Variants in IL1RAPL1 observed in about 807,000 individuals in gnomAD.
The protein encoded by IL1RAPL1 is interleukin-1 receptor accessory protein-like 1.
IL1RAPL1 carries 3 observed loss-of-function variants against 48.4 expected under a neutral mutation model. The ratio of observed to expected loss-of-function variants is 0.06; its 90% confidence interval spans 0.03 to 0.16. The LOEUF is 0.16. IL1RAPL1 is among the 10% of genes least tolerant of loss of function. The probability of loss-of-function intolerance (pLI) is 1.00; values close to 1 mark genes in which losing one functional copy is unlikely to be tolerated. For synonymous variants in IL1RAPL1, 185 were observed against 187.7 expected, an observed-to-expected ratio of 0.99 and a Z score of 0.12; for missense variants, 349 against 530.6, an observed-to-expected ratio of 0.66 and a Z score of 3.36.
At chrX:29,353,831 GT>G (rs199572427) in intron 3 of IL1RAPL1, among the ~76,000 whole-genome samples, 39,408 of 92,168 alleles carry the variant, frequency 0.43, 6,812 homozygotes, top group Middle Eastern at 0.59. Flanking sequence ...TTTTTCCAGT[GT>G]TTTTTTTTTT....
At chrX:29,509,563 AAACCCAG>A (rs1198924488) in intron 5 of IL1RAPL1, among the ~76,000 whole-genome samples, 3 of 112,372 alleles carry the variant, frequency 2.7e-5, no homozygotes, top group Admixed American at 9.4e-5. Context: ...AAGTTTGTCC[AAACCCAG>A]AACCCATATT....
chrX:29,388,770 T>C (rs1331463379), intron 3 of IL1RAPL1, among the ~76,000 whole-genome samples: 1 of 112,196 alleles, frequency 8.9e-6, no homozygotes, highest in Non-Finnish European at 1.9e-5. Context: ...TTTCCAGTTA[T>C]TGTAGGGAGA....
intron 5 of IL1RAPL1, among the ~76,000 whole-genome samples, chrX:29,657,841 T>C (rs1306025166): frequency 1.8e-5 from 2 of 108,447 alleles, no homozygotes; most frequent in Non-Finnish European, 3.8e-5. Context: ...TTTTTTTTTT[T>C]TGGTTTTTTG....
intron 5 of IL1RAPL1, among the ~76,000 whole-genome samples, chrX:29,603,986 A>G (rs1251463857): frequency 1.8e-5 from 2 of 112,369 alleles, no homozygotes; most frequent in Non-Finnish European, 3.8e-5. Flanking sequence ...AACTCTTTGA[A>G]GTACTCTACA....
intron 2 of IL1RAPL1, among the ~76,000 whole-genome samples, chrX:28,985,657 ATT>A (rs377736234): frequency 3.2e-4 from 30 of 92,655 alleles, no homozygotes; most frequent in South Asian, 2.7e-3. Flanking sequence ...TAACGAGCAC[ATT>A]TTTTTTTTTT....
chrX:28,916,040 A>G (rs1923483196), intron 2 of IL1RAPL1, among the ~76,000 whole-genome samples: 1 of 111,123 alleles, frequency 9.0e-6, no homozygotes, highest in South Asian at 3.8e-4. Context: ...ATTAAAACTA[A>G]GTACAATTTA....
chrX:29,597,547 T>C (rs1464357618), intron 5 of IL1RAPL1, among the ~76,000 whole-genome samples: 2 of 112,147 alleles, frequency 1.8e-5, no homozygotes, highest in African/African-American at 3.2e-5. Context: ...ATTAGGGTGA[T>C]ACTGACTTCA....
chrX:28,720,767 C>T (rs1935564646), intron 1 of IL1RAPL1, among the ~76,000 whole-genome samples: 1 of 111,253 alleles, frequency 9.0e-6, no homozygotes, highest in Non-Finnish European at 1.9e-5. Context: ...CACCCCACCA[C>T]AGGCCCTGGT....
intron 3 of IL1RAPL1, among the ~76,000 whole-genome samples, chrX:29,351,917 T>A (rs1329286000): frequency 8.9e-6 from 1 of 111,752 alleles, no homozygotes; most frequent in African/African-American, 3.2e-5. Context: ...GGGAAGATAG[T>A]GGGCACTCTT....
chrX:29,350,995 C>A (rs775064064), intron 3 of IL1RAPL1, among the ~76,000 whole-genome samples: 2 of 111,443 alleles, frequency 1.8e-5, no homozygotes, highest in South Asian at 7.6e-4. Context: ...TGTAGTTGAA[C>A]CTTACTCTAA....
intron 2 of IL1RAPL1, among the ~76,000 whole-genome samples, chrX:28,813,521 A>G (rs1191266653): frequency 9.0e-6 from 1 of 111,186 alleles, no homozygotes; most frequent in East Asian, 2.8e-4. Context: ...TGTTAGATGG[A>G]GTATTCTATA....
chrX:29,336,331 G>T (rs1368304376), intron 3 of IL1RAPL1, among the ~76,000 whole-genome samples: 1 of 33,820 alleles, frequency 3.0e-5, no homozygotes, highest in African/African-American at 6.9e-5. Flanking sequence ...GTGTGTGTGT[G>T]TGTGTGTGTG....
rs151128801 is a variant in IL1RAPL1, at chrX:29,078,607, G to A, written c.83-204331G>A. Among the ~76,000 whole-genome samples the A allele has an allele frequency of 8.4e-4, 94 of 112,098 alleles. 2 individuals are homozygous for A. In the East Asian group the frequency reaches 0.025, roughly 30 times the overall value. On this transcript the variant is annotated intron_variant, in intron 2 of 10. Coordinates refer to ENST00000378993, the MANE Select transcript of IL1RAPL1 (RefSeq NM_014271.4). ...TGTTTCATGTCCATGAAGATTCGAA[G>A]CGTTAAGTTATTTTACTCATGATAA...
intron 2 of IL1RAPL1, among the ~76,000 whole-genome samples, chrX:28,899,909 G>T (rs16988377): frequency 0.016 from 1,754 of 111,865 alleles, 32 homozygotes; most frequent in African/African-American, 0.054. Context: ...GGGCATCTTT[G>T]ACTTTAAATT....
At chrX:29,364,959 A>G (rs1933430768) in intron 3 of IL1RAPL1, among the ~76,000 whole-genome samples, 1 of 111,906 alleles carries the variant, frequency 8.9e-6, no homozygotes, top group African/African-American at 3.2e-5. Flanking sequence ...AAGGTAAAAA[A>G]CACGAATTTC....
At chrX:29,503,082 A>G (rs1318108295) in intron 5 of IL1RAPL1, among the ~76,000 whole-genome samples, 1 of 111,638 alleles carries the variant, frequency 9.0e-6, no homozygotes, top group Non-Finnish European at 1.9e-5. Context: ...TTCTTGGCAT[A>G]TGGTTGTTCA....
intron 9 of IL1RAPL1, 109 bp from the exon 10 acceptor site, chrX:29,954,413 C>G: frequency 1.6e-6 from 1 of 629,939 alleles, no homozygotes. Context: ...TTCGGTCTTT[C>G]AGAAATGGGA....
chrX:29,803,336 C>T (rs182377624), intron 6 of IL1RAPL1, among the ~76,000 whole-genome samples: 1 of 58,529 alleles, frequency 1.7e-5, no homozygotes, highest in East Asian at 6.1e-4. Context: ...CATGTATACA[C>T]ATATGTATAT....
chrX:29,283,813 A>C (rs1476351876), intron 3 of IL1RAPL1, among the ~76,000 whole-genome samples: 1 of 110,466 alleles, frequency 9.1e-6, no homozygotes, highest in East Asian at 2.8e-4. Context: ...CTGTATCCCC[A>C]AGGATACCCA....
Sources: gnomAD v4.1 joint callset for allele counts (sites outside exome capture counted in the v4.1 genomes callset) on GRCh38, gnomAD v4.1.1 for gene constraint, MANE v1.5 for transcripts, NCBI Gene and HGNC (gene_info 2026-07-23, HGNC 2026-07-21) for gene names.